CAST: variants seen among roughly 807,000 people sequenced by gnomAD.
CAST encodes calpastatin, also known as MIR583 host.
A neutral mutation model predicts 119.6 loss-of-function variants in CAST; 76 were observed. The ratio of observed to expected loss-of-function variants is 0.64; its 90% CI spans 0.53 to 0.77. CAST has a LOEUF of 0.77. Among genes scored for constraint, CAST ranks in the 30% least tolerant of loss-of-function variants. CAST has a pLI of 0.00. For synonymous variants in CAST, 319 were observed against 331.6 expected (o/e 0.96, Z 0.41); for missense variants, 953 against 946.5 (o/e 1.01, Z -0.09).
Position 96,727,516 on chromosome 5 carries a change from T to G in CAST, c.364T>G (p.Ser122Ala). 6.4e-7 allele frequency: 1 copy of G among 1,564,652 alleles called. No individual in the cohort carries two copies. The change falls in exon 6 of 32, where the codon TCA becomes GCA. Residue 122 changes from serine (S) to alanine (A), a missense_variant. Physicochemically the swap from Ser to Ala is moderately conservative, Grantham distance 99. Transcript: ENST00000675179. ...TGTAAAAACAGAACCTGAGAAGAAG[T>G]CACAGTCAACCAAGGTAAATAGTTT... ...QAVKTEPEKK[S>A]QSTKLSVVHE... is the part of the protein sequence containing the mutation.
At chr5:96,669,926 A>G (rs1749844895) in intron 1 of CAST, among the ~76,000 whole-genome samples, 1 of 152,238 alleles carries the variant, frequency 6.6e-6, no homozygotes, top group Non-Finnish European at 1.5e-5. Flanking sequence ...GCCCCATTCT[A>G]TTCAAACTAA....
At chr5:96,678,053 A>G (rs1750914625) in intron 2 of CAST, among the ~76,000 whole-genome samples, 2 of 152,158 alleles carry the variant, frequency 1.3e-5, no homozygotes, top group Admixed American at 6.5e-5. Context: ...GCATTATGTT[A>G]GCCTTGATGT....
the CAST span, among the ~76,000 whole-genome samples, chr5:96,435,318 A>T: frequency 6.6e-6 from 1 of 152,242 alleles, no homozygotes; most frequent in Non-Finnish European, 1.5e-5. Context: ...CATTTGGTTT[A>T]TATACCTAAC....
chr5:96,062,359 A>G, the CAST span, among the ~76,000 whole-genome samples: 280 of 152,280 alleles, frequency 1.8e-3, no homozygotes, highest in African/African-American at 6.5e-3. Flanking sequence ...TAAGTGCAGC[A>G]TATCCCTTAA....
the CAST span, among the ~76,000 whole-genome samples, chr5:96,511,006 C>T: frequency 5.3e-5 from 8 of 152,178 alleles, no homozygotes; most frequent in African/African-American, 1.9e-4. Context: ...TGATTCTAAT[C>T]CACTCCTGGC....
At chr5:96,087,945 C>T in the CAST span, among the ~76,000 whole-genome samples, 1 of 152,160 alleles carries the variant, frequency 6.6e-6, no homozygotes, top group Non-Finnish European at 1.5e-5. Flanking sequence ...GCCAGGAAAC[C>T]TACACTTAAG....
At chr5:96,321,301 C>G in the CAST span, among the ~76,000 whole-genome samples, 1 of 152,210 alleles carries the variant, frequency 6.6e-6, no homozygotes, top group Non-Finnish European at 1.5e-5. Context: ...CCCACTCCAA[C>G]TGTGACAACC....
chr5:96,282,843 T>C, the CAST span, among the ~76,000 whole-genome samples: 5 of 152,078 alleles, frequency 3.3e-5, no homozygotes, highest in East Asian at 5.8e-4. Flanking sequence ...GAAAAAAAAT[T>C]TGTTGGCCGG....
chr5:96,705,378 G>A (rs1754751167), intron 3 of CAST, among the ~76,000 whole-genome samples: 1 of 151,818 alleles, frequency 6.6e-6, no homozygotes, highest in Non-Finnish European at 1.5e-5. Flanking sequence ...CCATTTTGAT[G>A]GAAAGCCATA....
At chr5:96,006,287 C>T in the CAST span, among the ~76,000 whole-genome samples, 11 of 152,064 alleles carry the variant, frequency 7.2e-5, no homozygotes, top group East Asian at 1.4e-3. Context: ...AATCTTATGG[C>T]TTCCCTGGGC....
the CAST span, among the ~76,000 whole-genome samples, chr5:96,317,449 C>T: frequency 7.6e-6 from 1 of 130,870 alleles, no homozygotes; most frequent in Non-Finnish European, 1.5e-5. Context: ...TGCATTCAAG[C>T]CTGGGCAACA....
At chr5:96,753,234 A>C (rs1407159009) in intron 20 of CAST, among the ~76,000 whole-genome samples, 1 of 152,036 alleles carries the variant, frequency 6.6e-6, no homozygotes, top group African/African-American at 2.4e-5. Flanking sequence ...GAGCTCAAAC[A>C]ATCTTCCTGC....
the CAST span, among the ~76,000 whole-genome samples, chr5:96,060,704 A>AT: frequency 6.6e-6 from 1 of 152,148 alleles, no homozygotes; most frequent in Admixed American, 6.6e-5. Flanking sequence ...CTCAGGCCAT[A>AT]TGACTAGGCT....
chr5:96,009,864 T>G, the CAST span, among the ~76,000 whole-genome samples: 3 of 152,334 alleles, frequency 2.0e-5, no homozygotes, highest in East Asian at 5.8e-4. Context: ...GAAAATTATT[T>G]GCCAGGTCGA....
At chr5:96,508,617 A>G in the CAST span, among the ~76,000 whole-genome samples, 1 of 152,138 alleles carries the variant, frequency 6.6e-6, no homozygotes, top group Admixed American at 6.5e-5. Flanking sequence ...AAATTCTCTT[A>G]AAGGCCCATA....
chr5:95,967,615 G>C, the CAST span, among the ~76,000 whole-genome samples: 1 of 152,098 alleles, frequency 6.6e-6, no homozygotes, highest in Admixed American at 6.6e-5. Context: ...GTTCTCACAA[G>C]ATCTGATGGT....
the CAST span, chr5:96,421,951 T>A: frequency 6.7e-7 from 1 of 1,496,642 alleles, no homozygotes; most frequent in Non-Finnish European, 9.2e-7. Context: ...AGCTAGCCTC[T>A]GGATCCTAAA....
chr5:96,645,636 T>TG (rs901232015), intron 1 of CAST, among the ~76,000 whole-genome samples: 1 of 152,096 alleles, frequency 6.6e-6, no homozygotes, highest in Non-Finnish European at 1.5e-5. Flanking sequence ...ATAATATGAC[T>TG]GTTGCTTTCC....
the CAST span, among the ~76,000 whole-genome samples, chr5:96,442,508 T>C: frequency 6.6e-6 from 1 of 152,252 alleles, no homozygotes; most frequent in Non-Finnish European, 1.5e-5. Context: ...GTTGCTTTGG[T>C]AAGACTAGGA....
Sources: gnomAD v4.1 joint callset for allele counts (sites outside exome capture counted in the v4.1 genomes callset) on GRCh38, gnomAD v4.1.1 for gene constraint, MANE v1.5 for transcripts, NCBI Gene and HGNC (gene_info 2026-07-23, HGNC 2026-07-21) for gene names.